SSH2: variants seen among roughly 807,000 people sequenced by gnomAD.
SSH2 encodes the protein protein phosphatase Slingshot homolog 2.
SSH2 carries 37 observed loss-of-function variants against 135.2 expected under a neutral mutation model. That is an observed-to-expected ratio of 0.27 (90% CI 0.21 to 0.36). The LOEUF is 0.36. Among genes scored for constraint, SSH2 ranks in the 10% least tolerant of loss-of-function variants. The pLI is 1.00. For synonymous variants in SSH2, 628 were observed against 646.2 expected, an observed-to-expected ratio of 0.97 and a Z score of 0.43; for missense variants, 1,408 against 1,765.3, an observed-to-expected ratio of 0.80 and a Z score of 3.63.
At chr17:29,633,093 A>G (rs559294689) in intron 15 of SSH2, among the ~76,000 whole-genome samples, 162 bp from the exon 16 acceptor site, 2 of 152,298 alleles carry the variant, frequency 1.3e-5, no homozygotes, top group African/African-American at 4.8e-5. Context: ...GTTTTGTCAG[A>G]CTACAAGAAA....
intron 2 of SSH2, among the ~76,000 whole-genome samples, chr17:29,812,686 C>A (rs1355254244): frequency 6.6e-6 from 1 of 152,038 alleles, no homozygotes; most frequent in Non-Finnish European, 1.5e-5. Context: ...GTCAGGAGAT[C>A]GAGACCATCC....
intron 1 of SSH2, among the ~76,000 whole-genome samples, chr17:29,873,155 CCA>C (rs975836956): frequency 6.6e-6 from 1 of 152,028 alleles, no homozygotes; most frequent in Non-Finnish European, 1.5e-5. Flanking sequence ...AACAAAATAT[CCA>C]CAGTTACTTA....
chr17:29,645,589 G>A (rs982394886), intron 14 of SSH2: 1 of 152,052 alleles, frequency 6.6e-6, no homozygotes, highest in African/African-American at 2.4e-5. Flanking sequence ...AGTGGGTCAC[G>A]TGAGGACACT....
chr17:29,672,176 A>C (rs1356383007), intron 8 of SSH2, 47 bp from the exon 9 acceptor site: 1 of 1,480,158 alleles, frequency 6.8e-7, no homozygotes, highest in Admixed American at 1.8e-5. Flanking sequence ...GTGGGGTGCC[A>C]AAGGCCAATA....
At chr17:29,681,992 TTTTAAG>T (rs2038008757) in intron 6 of SSH2, among the ~76,000 whole-genome samples, 1 of 152,208 alleles carries the variant, frequency 6.6e-6, no homozygotes, top group Admixed American at 6.5e-5. Context: ...GCTTTTCATG[TTTTAAG>T]TTTGTCTTCT....
intron 3 of SSH2, among the ~76,000 whole-genome samples, chr17:29,744,216 C>A (rs2040675696): frequency 6.6e-6 from 1 of 151,962 alleles, no homozygotes; most frequent in Non-Finnish European, 1.5e-5. Context: ...GCCAGGTGGG[C>A]CGGGTGGGGA....
At chr17:29,912,802 G>A (rs2151475383) in intron 1 of SSH2, among the ~76,000 whole-genome samples, 1 of 152,062 alleles carries the variant, frequency 6.6e-6, no homozygotes, top group East Asian at 1.9e-4. Context: ...TGTTTCTCGA[G>A]ATATAAGACT....
chr17:29,817,498 A>T (rs2042578248), intron 2 of SSH2, among the ~76,000 whole-genome samples: 1 of 152,232 alleles, frequency 6.6e-6, no homozygotes, highest in South Asian at 2.1e-4. Context: ...GAGTCATAAT[A>T]TGCTTCATCC....
chr17:29,668,866 C>A (rs1188448265), intron 9 of SSH2, among the ~76,000 whole-genome samples: 1 of 152,116 alleles, frequency 6.6e-6, no homozygotes, highest in Non-Finnish European at 1.5e-5. Flanking sequence ...AGTAGAAAGA[C>A]CTAGGTTTTA....
At chr17:29,644,291 C>T (rs939990983) in intron 14 of SSH2, among the ~76,000 whole-genome samples, 1 of 152,134 alleles carries the variant, frequency 6.6e-6, no homozygotes, top group Non-Finnish European at 1.5e-5. Context: ...GGTATTTACT[C>T]CCCTAGCTCC....
intron 1 of SSH2, among the ~76,000 whole-genome samples, chr17:29,895,241 C>T (rs2066426410): frequency 1.5e-5 from 2 of 133,768 alleles, no homozygotes; most frequent in South Asian, 4.5e-4. Flanking sequence ...TTTATATATA[C>T]ATTATATATA....
chr17:29,678,297 T>C (rs1198479717), intron 6 of SSH2, among the ~76,000 whole-genome samples: 2 of 152,284 alleles, frequency 1.3e-5, no homozygotes, highest in East Asian at 1.9e-4. Flanking sequence ...GGTTTCACCA[T>C]GTTGGCCAGG....
At chr17:29,668,932 G>A (rs974957914) in intron 9 of SSH2, among the ~76,000 whole-genome samples, 48 of 152,026 alleles carry the variant, frequency 3.2e-4, no homozygotes, top group African/African-American at 1.1e-3. Context: ...TCTTCCCTGA[G>A]CCTCTGTTTC....
At chr17:29,888,597 T>A (rs2151440720) in intron 1 of SSH2, among the ~76,000 whole-genome samples, 1 of 152,156 alleles carries the variant, frequency 6.6e-6, no homozygotes, top group Non-Finnish European at 1.5e-5. Context: ...TTCTACAGTA[T>A]TAACAGCAAC....
At chr17:29,725,344 C>CT (rs1374972082) in intron 3 of SSH2, among the ~76,000 whole-genome samples, 1 of 17,008 alleles carries the variant, frequency 5.9e-5, no homozygotes, top group African/African-American at 1.9e-4. Flanking sequence ...AAGAATCAGT[C>CT]TCCAAAAAAA....
chr17:29,631,495 C>A lies in SSH2; in HGVS notation c.3699G>T (p.Leu1233Phe). The A allele has an allele frequency of 5.6e-6, 9 of 1,614,148 alleles. No homozygotes were observed. Among genetic ancestry groups the A allele is most frequent in the Non-Finnish European group, 7.6e-6 (9 of 1,180,024 alleles). ...TATGTGGGAGTCGACAGGCTACAGG[C>A]AATGGGTCCATTTTCTCCTGTAACT... ...TGELQEKMDP[L>F]PVACRLPHSS... The change falls in exon 16 of 16, where the codon TTG becomes TTT. Residue 1233 changes from leucine to phenylalanine, a missense_variant. By Grantham distance (22) the Leu-to-Phe change is conservative. Coordinates refer to ENST00000540801, the MANE Select transcript of SSH2 (RefSeq NM_001282129.2).
intron 1 of SSH2, among the ~76,000 whole-genome samples, chr17:29,862,386 CTTAGTA>C (rs915769523): frequency 2.6e-5 from 4 of 152,194 alleles, no homozygotes; most frequent in Admixed American, 2.6e-4. Context: ...GAATCAGTGA[CTTAGTA>C]TTAGTTGTTG....
chr17:29,835,554 G>T (rs2042928723), intron 2 of SSH2, among the ~76,000 whole-genome samples: 1 of 152,156 alleles, frequency 6.6e-6, no homozygotes, highest in African/African-American at 2.4e-5. Flanking sequence ...ACCAGGCCCT[G>T]CAAATTCAGT....
At chr17:29,903,944 A>T (rs2151463395) in intron 1 of SSH2, among the ~76,000 whole-genome samples, 1 of 152,284 alleles carries the variant, frequency 6.6e-6, no homozygotes, top group African/African-American at 2.4e-5. Context: ...CCTGAGACTG[A>T]ACCAGGAAGA....
Sources: gnomAD v4.1 joint callset for allele counts (sites outside exome capture counted in the v4.1 genomes callset) on GRCh38, gnomAD v4.1.1 for gene constraint, MANE v1.5 for transcripts, NCBI Gene and HGNC (gene_info 2026-07-23, HGNC 2026-07-21) for gene names.